MRPS27: variants seen among roughly 807,000 people sequenced by gnomAD.
MRPS27 encodes mitochondrial ribosomal protein S27, also known as small ribosomal subunit protein mS27.
A neutral mutation model predicts 48.9 loss-of-function variants in MRPS27; 43 were observed. The ratio of observed to expected loss-of-function variants is 0.88; its 90% CI spans 0.69 to 1.13. MRPS27 has a LOEUF of 1.13. Ranked by LOEUF, MRPS27 falls within the 50% of genes most tolerant of loss-of-function variation. The pLI, the probability that MRPS27 is intolerant of heterozygous loss-of-function variation, is 0.00. For synonymous variants in MRPS27, 188 were observed against 171.9 expected (o/e 1.09, Z -0.73); for missense variants, 467 against 476.3 (o/e 0.98, Z 0.18).
chr5:72,316,193 T>C (rs1750559511), intron 1 of MRPS27, among the ~76,000 whole-genome samples: 1 of 152,206 alleles, frequency 6.6e-6, no homozygotes, highest in Non-Finnish European at 1.5e-5. Context: ...AGTAGATTCA[T>C]GGTTGCTAAG....
chr5:72,312,965 T>C (rs1297510420), intron 2 of MRPS27, among the ~76,000 whole-genome samples: 1 of 152,176 alleles, frequency 6.6e-6, no homozygotes. Flanking sequence ...ATATTAACTA[T>C]GAATTTAGTT....
chr5:72,318,547 C>A (rs1034154672), intron 1 of MRPS27, among the ~76,000 whole-genome samples: 2 of 152,230 alleles, frequency 1.3e-5, no homozygotes, highest in Non-Finnish European at 2.9e-5. Context: ...GTAATCCCAG[C>A]ACCTTGGGAA....
chr5:72,292,839 T>C (rs967445125), intron 4 of MRPS27, among the ~76,000 whole-genome samples: 3 of 152,236 alleles, frequency 2.0e-5, no homozygotes, highest in Non-Finnish European at 2.9e-5. Context: ...TTAAAGACGG[T>C]ACTGCTTAAG....
intron 4 of MRPS27, among the ~76,000 whole-genome samples, chr5:72,240,312 G>C (rs552113738): frequency 6.6e-6 from 1 of 152,196 alleles, no homozygotes; most frequent in African/African-American, 2.4e-5. Flanking sequence ...GGTGGAGCAT[G>C]ATAAGTGCTA....
intron 4 of MRPS27, among the ~76,000 whole-genome samples, chr5:72,267,525 T>C (rs761462990): frequency 3.4e-4 from 52 of 152,236 alleles, no homozygotes; most frequent in Non-Finnish European, 5.6e-4. Context: ...AGACAATGTA[T>C]ACACAGTCAG....
chr5:72,313,055 T>C (rs146467577), intron 2 of MRPS27, among the ~76,000 whole-genome samples: 1 of 152,362 alleles, frequency 6.6e-6, no homozygotes, highest in Non-Finnish European at 1.5e-5. Flanking sequence ...AGAATGAGAC[T>C]GTAAGTTTCT....
At chr5:72,314,045 G>A (rs774724236) in intron 2 of MRPS27, 36 bp downstream of exon 2, 16 of 1,506,936 alleles carry the variant, frequency 1.1e-5, no homozygotes, top group African/African-American at 5.5e-5. Context: ...CAGAGTGACC[G>A]AAAATGACAC....
At chr5:72,253,898 G>T (rs936509472) in intron 4 of MRPS27, among the ~76,000 whole-genome samples, 11 of 152,144 alleles carry the variant, frequency 7.2e-5, no homozygotes, top group Admixed American at 2.0e-4. Flanking sequence ...CTTGTAAGAA[G>T]ATAGAAAATT....
At chr5:72,315,201 A>T (rs1454082807) in intron 1 of MRPS27, among the ~76,000 whole-genome samples, 1 of 152,258 alleles carries the variant, frequency 6.6e-6, no homozygotes, top group African/African-American at 2.4e-5. Context: ...TTTATCTAGT[A>T]CAAGACTTGT....
chr5:72,241,975 T>C (rs1748363947), intron 4 of MRPS27, among the ~76,000 whole-genome samples: 1 of 152,218 alleles, frequency 6.6e-6, no homozygotes, highest in Non-Finnish European at 1.5e-5. Context: ...GTTGTGCTCA[T>C]GAAGGCTAAA....
At position 72,229,923 on chromosome 5, in the gene MRPS27, T is replaced by C. The variant is rs138802817; in HGVS notation, c.592-1555A>G. Among the ~76,000 whole-genome samples the C allele has an allele frequency of 2.6e-3, 395 of 152,304 alleles. 1 individual carries two copies. The highest frequency in any genetic ancestry group is 0.014 in the Middle Eastern group (4 of 294). ...TCTTTGGAGACAGGGTCTTGCCCTA[T>C]TGCCCAGGCTGGAATGCAGTGGTGT... On this transcript the variant is annotated intron_variant, in intron 7 of 10. Coordinates refer to ENST00000261413, the MANE Select transcript of MRPS27 (RefSeq NM_015084.3).
intron 6 of MRPS27, 88 bp from the exon 7 acceptor site, chr5:72,232,646 G>C: frequency 1.1e-6 from 1 of 885,966 alleles, no homozygotes; most frequent in Non-Finnish European, 1.7e-6. Flanking sequence ...CTCTTAAAAC[G>C]TGGGGCATGG....
chr5:72,245,262 C>T (rs1748482275), intron 4 of MRPS27, among the ~76,000 whole-genome samples: 1 of 152,176 alleles, frequency 6.6e-6, no homozygotes, highest in Non-Finnish European at 1.5e-5. Context: ...GGGCCTTTAC[C>T]TAGGAACAGC....
intron 4 of MRPS27, among the ~76,000 whole-genome samples, chr5:72,268,767 T>C (rs1328776089): frequency 1.3e-5 from 2 of 152,210 alleles, no homozygotes; most frequent in Admixed American, 1.3e-4. Context: ...AAAAATGAGA[T>C]GACAATGCAC....
rs556483759 is a variant in MRPS27 at position 72,229,875 on chromosome 5, GTTTCT to G, written c.592-1512_592-1508del. Among the ~76,000 whole-genome samples, 378 of 152,110 alleles carry G rather than the reference GTTTCT, an allele frequency of 2.5e-3. 1 individual carries two copies. The highest frequency in any genetic ancestry group is 8.7e-3 in the African/African-American group (362 of 41,528). On this transcript the variant is annotated intron_variant, in intron 7 of 10. Coordinates refer to ENST00000261413, the MANE Select transcript of MRPS27 (RefSeq NM_015084.3). Reference sequence around the variant, plus strand: ...TTAACAGATATCTTCCAAGCCTTTAGTTTCTTTTCTTTTCTTTTTTTCTCTTTGGA... The same window carrying G: ...TTAACAGATATCTTCCAAGCCTTTAGTTTCTTTTCTTTTTTTCTCTTTGGA...
chr5:72,240,282 A>C (rs1580061833), intron 4 of MRPS27, among the ~76,000 whole-genome samples: 1 of 152,250 alleles, frequency 6.6e-6, no homozygotes, highest in East Asian at 1.9e-4. Flanking sequence ...CGATGCACAC[A>C]TAATTTAATA....
chr5:72,223,648 C>T lies in MRPS27; in HGVS notation c.1005+35G>A, dbSNP rs74783714. On this transcript the variant is annotated intron_variant, in intron 10 of 10. Coordinates refer to ENST00000261413, the MANE Select transcript of MRPS27 (RefSeq NM_015084.3). Reference sequence around the variant, plus strand: ...CCACAGGAGAGAAGTGTGTTTTATGCGCTGCTAAGAGAGACACGTTCTGCT... The same window carrying T: ...CCACAGGAGAGAAGTGTGTTTTATGTGCTGCTAAGAGAGACACGTTCTGCT... The T allele has an allele frequency of 2.8e-4, 454 of 1,608,514 alleles. 3 individuals carry two copies. The East Asian group carries it at 8.2e-3, about 29-fold the overall frequency.
chr5:72,238,155 C>T (rs749084473), intron 4 of MRPS27, 27 bp from the exon 5 acceptor site: 3 of 1,475,436 alleles, frequency 2.0e-6, no homozygotes, highest in Non-Finnish European at 2.8e-6. Flanking sequence ...AGAGAGAAAA[C>T]TGGTGTTAAC....
chr5:72,223,665 C>A lies in MRPS27; in HGVS notation c.1005+18G>T. On this transcript the variant is annotated intron_variant, in intron 10 of 10. Coordinates refer to ENST00000261413, the MANE Select transcript of MRPS27 (RefSeq NM_015084.3). ...GTTTTATGCGCTGCTAAGAGAGACA[C>A]GTTCTGCTATGATTCACCTTAAATC... 2 of 1,613,548 alleles carry A rather than the reference C, an allele frequency of 1.2e-6. No individual in the cohort carries two copies. Among genetic ancestry groups the A allele is most frequent in the South Asian group, 2.2e-5 (2 of 91,042 alleles).
Sources: allele counts gnomAD v4.1 joint callset (sites outside exome capture counted in the v4.1 genomes callset), GRCh38; gene constraint gnomAD v4.1.1; transcripts MANE v1.5; gene names NCBI Gene and HGNC (gene_info 2026-07-23, HGNC 2026-07-21).